C12orf56: variants seen among roughly 807,000 people sequenced by gnomAD.
C12orf56 encodes the protein chromosome 12 open reading frame 56.
Under a neutral mutation model 69.9 loss-of-function variants are expected in C12orf56, and 71 were observed. The ratio of observed to expected loss-of-function variants is 1.02; its 90% CI spans 0.84 to 1.24. The LOEUF is 1.24. Among genes scored for constraint, C12orf56 ranks in the 50% most tolerant of loss-of-function variants. C12orf56 has a pLI of 0.00. For missense variants in C12orf56, 732 were observed against 738.5 expected (o/e 0.99, Z 0.10); for synonymous variants, 276 against 274.1 (o/e 1.01, Z -0.07).
rs1384937350 is a variant in C12orf56, at chr12:64,366,875, TTA to T, written c.253-13821_253-13820del. Among the ~76,000 whole-genome samples the T allele has an allele frequency of 5.9e-3, 742 of 126,324 alleles. 33 individuals are homozygous for T. Among genetic ancestry groups the T allele is most frequent in the African/African-American group, 0.022 (710 of 31,936 alleles). 82.9% of individuals were successfully genotyped at this position (126,324 alleles called of 152,430 possible). On this transcript the variant is annotated intron_variant, in intron 1 of 12. Transcript: ENST00000543942. Reference sequence around the variant, plus strand: ...TTATATATATTATATAACATACAGTTTATATATATTATATAACATACAGTTTA... The same window carrying T: ...TTATATATATTATATAACATACAGTTTATATATTATATAACATACAGTTTA...
rs2039252015 is a variant in C12orf56, at chr12:64,352,989, T to C, written c.320A>G (p.Tyr107Cys). 3.1e-6 allele frequency: 5 copies of C among 1,613,146 alleles called. No homozygotes were observed. The highest frequency in any genetic ancestry group is 1.1e-5 in the South Asian group (1 of 90,860). Reference sequence around the variant, plus strand: ...CTCTTTTTTCAAAACGGTTGAAGAATAGATGATACGAATGTGTTGGCTGAT... The same window carrying C: ...CTCTTTTTTCAAAACGGTTGAAGAACAGATGATACGAATGTGTTGGCTGAT... ...REISQHIRII[Y>C]SSTVLKKECK... The change falls in exon 2 of 13, where the codon TAT becomes TGT. Residue 107 changes from tyrosine to cysteine, a missense_variant. Coordinates refer to ENST00000543942, the MANE Select transcript of C12orf56 (RefSeq NM_001170633.2).
intron 5 of C12orf56, among the ~76,000 whole-genome samples, chr12:64,312,274 G>A (rs1256997257): frequency 6.6e-6 from 1 of 152,178 alleles, no homozygotes; most frequent in Non-Finnish European, 1.5e-5. Context: ...TGAGGTAAAG[G>A]TATAACTGTG....
At chr12:64,286,157 C>A in intron 6 of C12orf56, 97 bp from the exon 7 acceptor site, 1 of 775,910 alleles carries the variant, frequency 1.3e-6, no homozygotes, top group South Asian at 1.9e-5. Flanking sequence ...ATAATTTGTT[C>A]TTTGATTAGA....
rs1565783073 is a variant in C12orf56 at position 64,380,122 on chromosome 12, A to AC, written c.252+10191_252+10192insG. Among the ~76,000 whole-genome samples, 21 of 92,966 alleles carry AC rather than the reference A, an allele frequency of 2.3e-4. 1 individual carries two copies. Among genetic ancestry groups the AC allele is most frequent in the African/African-American group, 7.0e-4 (20 of 28,704 alleles). 61.0% of individuals were successfully genotyped at this position (92,966 alleles called of 152,430 possible). On this transcript the variant is annotated intron_variant, in intron 1 of 12. Coordinates refer to ENST00000543942, the MANE Select transcript of C12orf56 (RefSeq NM_001170633.2). ...TCCGTCGCAAAAAAAAAAAAAAAAA[A>AC]AAAAAAAAAAAACAAAACAAACAAA...
intron 4 of C12orf56, among the ~76,000 whole-genome samples, chr12:64,317,906 A>C (rs910889686): frequency 2.0e-5 from 3 of 152,140 alleles, no homozygotes; most frequent in South Asian, 2.1e-4. Context: ...GCAATACAGA[A>C]TCATACTGAC....
chr12:64,371,902 T>G (rs2039576345), intron 1 of C12orf56, among the ~76,000 whole-genome samples: 2 of 136,110 alleles, frequency 1.5e-5, no homozygotes, highest in South Asian at 4.3e-4. Flanking sequence ...GGCAATGATT[T>G]CTTTTTTTTT....
chr12:64,372,061 A>C (rs1007845605), intron 1 of C12orf56, among the ~76,000 whole-genome samples: 2 of 152,070 alleles, frequency 1.3e-5, no homozygotes, highest in East Asian at 3.9e-4. Flanking sequence ...GATTACAGGC[A>C]TGAGCCACTG....
At chr12:64,368,443 C>A (rs2039527335) in intron 1 of C12orf56, among the ~76,000 whole-genome samples, 1 of 151,932 alleles carries the variant, frequency 6.6e-6, no homozygotes, top group Non-Finnish European at 1.5e-5. Context: ...TTATCAAAGG[C>A]CTGACATCAA....
chr12:64,385,918 G>C (rs1264110952), intron 1 of C12orf56, among the ~76,000 whole-genome samples: 1 of 152,104 alleles, frequency 6.6e-6, no homozygotes, highest in Non-Finnish European at 1.5e-5. Flanking sequence ...TACAACTTTA[G>C]AATCCTCCCG....
chr12:64,381,389 C>G lies in C12orf56; in HGVS notation c.252+8925G>C, dbSNP rs907374057. Among the ~76,000 whole-genome samples, 5 of 152,308 alleles carry G rather than the reference C, an allele frequency of 3.3e-5. 1 individual carries two copies. The highest frequency in any genetic ancestry group is 6.8e-3 in the Middle Eastern group (2 of 294). The stretch of plus-strand genomic sequence containing the variant: ...GAGGAGAGTCAGAATCTTGTAGCCT[C>G]CAGCTGCATGTCTCCTAAACCATAA... On this transcript the variant is annotated intron_variant, in intron 1 of 12. Coordinates refer to ENST00000543942, the MANE Select transcript of C12orf56 (RefSeq NM_001170633.2).
chr12:64,353,095 C>A lies in C12orf56; in HGVS notation c.253-39G>T, dbSNP rs765725379. 11 of 1,581,106 alleles carry A rather than the reference C, an allele frequency of 7.0e-6. No individual in the cohort carries two copies. In the Admixed American group the frequency reaches 2.0e-4, roughly 28 times the overall value. On this transcript the variant is annotated intron_variant, in intron 1 of 12. Coordinates refer to ENST00000543942, the MANE Select transcript of C12orf56 (RefSeq NM_001170633.2). ...TAATTCACCTCATTGAAGACAAATA[C>A]AACTGCTTACCTATTTTGGTATAAT...
intron 4 of C12orf56, among the ~76,000 whole-genome samples, chr12:64,316,550 T>A (rs1157037809): frequency 6.6e-6 from 1 of 152,108 alleles, no homozygotes; most frequent in African/African-American, 2.4e-5. Flanking sequence ...CACACCTGGC[T>A]AAGAGAACGT....
At chr12:64,323,335 A>G (rs944096045) in intron 3 of C12orf56, among the ~76,000 whole-genome samples, 3 of 152,198 alleles carry the variant, frequency 2.0e-5, no homozygotes, top group Non-Finnish European at 4.4e-5. Context: ...AATAGAACAC[A>G]GAGCCCAGCA....
chr12:64,294,780 A>G (rs997167094), intron 6 of C12orf56, among the ~76,000 whole-genome samples: 3 of 152,040 alleles, frequency 2.0e-5, no homozygotes, highest in Non-Finnish European at 4.4e-5. Flanking sequence ...TTGATGGCTG[A>G]TTGTGAATAA....
chr12:64,367,941 G>T (rs2039520223), intron 1 of C12orf56, among the ~76,000 whole-genome samples: 1 of 151,172 alleles, frequency 6.6e-6, no homozygotes, highest in South Asian at 2.1e-4. Flanking sequence ...CGGAGTAGCT[G>T]GGATTACAGG....
chr12:64,322,558 C>T (rs1213372449), intron 3 of C12orf56, among the ~76,000 whole-genome samples: 1 of 152,102 alleles, frequency 6.6e-6, no homozygotes, highest in Non-Finnish European at 1.5e-5. Context: ...TGGCTCATGC[C>T]TGTAATCCCA....
At chr12:64,337,873 A>AAAAC (rs2039018116) in intron 2 of C12orf56, among the ~76,000 whole-genome samples, 1 of 151,708 alleles carries the variant, frequency 6.6e-6, no homozygotes, top group Admixed American at 6.6e-5. Context: ...AAAAAAAAAA[A>AAAAC]ACACCAGGAC....
chr12:64,372,153 A>G (rs530197108), intron 1 of C12orf56, among the ~76,000 whole-genome samples: 11 of 152,156 alleles, frequency 7.2e-5, no homozygotes, highest in African/African-American at 2.6e-4. Context: ...TGATCTTCAT[A>G]CCTACCCTAG....
At position 64,265,690 on chromosome 12, in the gene C12orf56, G is replaced by A. The variant is rs1008705545; in HGVS notation, c.*1493C>T. The A allele has an allele frequency of 3.3e-5, 5 of 152,308 alleles. No individual in the cohort carries two copies. The highest frequency in any genetic ancestry group is 7.3e-5 in the Non-Finnish European group (5 of 68,048). 9.4% of individuals were successfully genotyped at this position (152,308 alleles called of 1,614,324 possible). Reference sequence around the variant, plus strand: ...ATTATCTCCACTGCCCAACACAGGCGAATCTGGCTTAGGAACTCTTTCTTT... The same window carrying A: ...ATTATCTCCACTGCCCAACACAGGCAAATCTGGCTTAGGAACTCTTTCTTT... On this transcript the variant is annotated 3_prime_UTR_variant, in exon 13 of 13. Coordinates refer to ENST00000543942, the MANE Select transcript of C12orf56 (RefSeq NM_001170633.2).
Sources: gnomAD v4.1 joint callset for allele counts (sites outside exome capture counted in the v4.1 genomes callset) on GRCh38, gnomAD v4.1.1 for gene constraint, MANE v1.5 for transcripts, NCBI Gene and HGNC (gene_info 2026-07-23, HGNC 2026-07-21) for gene names.